PCBP3: variants seen among roughly 807,000 people sequenced by gnomAD.
PCBP3 encodes the protein poly(rC) binding protein 3, also known as poly(rC)-binding protein 3.
In PCBP3, 25 loss-of-function variants were observed where a neutral mutation model predicts 52.7. That is an observed-to-expected ratio of 0.47 (90% CI 0.35 to 0.66). The LOEUF (loss-of-function observed/expected upper bound fraction) is 0.66. PCBP3 is among the 30% of genes least tolerant of loss of function. The pLI, the probability that PCBP3 is intolerant of heterozygous loss-of-function variation, is 0.01. For missense variants in PCBP3, 391 were observed against 490.3 expected (o/e 0.80, Z 1.91); for synonymous variants, 162 against 183.0 (o/e 0.89, Z 0.93).
At chr21:45,740,001 A>G (rs1440261665) in intron 3 of PCBP3, among the ~76,000 whole-genome samples, 1 of 152,218 alleles carries the variant, frequency 6.6e-6, no homozygotes, top group African/African-American at 2.4e-5. Flanking sequence ...TAGTCCCAGC[A>G]GCACCCCCTT....
At chr21:45,681,379 C>T (rs2081837873) in intron 2 of PCBP3, among the ~76,000 whole-genome samples, 1 of 152,184 alleles carries the variant, frequency 6.6e-6, no homozygotes, top group African/African-American at 2.4e-5. Context: ...AATACTGGAG[C>T]AGTTTTCCAT....
At chr21:45,923,078 C>T (rs114895946) in intron 13 of PCBP3, among the ~76,000 whole-genome samples, 9 of 152,376 alleles carry the variant, frequency 5.9e-5, no homozygotes, top group East Asian at 5.8e-4. Flanking sequence ...GTCGGTGCCA[C>T]GCATTTCCCC....
At chr21:45,892,483 G>A (rs546124627) in intron 5 of PCBP3, among the ~76,000 whole-genome samples, 12 of 141,852 alleles carry the variant, frequency 8.5e-5, no homozygotes, top group Admixed American at 4.8e-4. Flanking sequence ...GGGGGGGGGC[G>A]GTCCCGTCTC....
At chr21:45,654,074 T>TGGC (rs2079858669) in intron 1 of PCBP3, among the ~76,000 whole-genome samples, 1 of 152,146 alleles carries the variant, frequency 6.6e-6, no homozygotes, top group African/African-American at 2.4e-5. Context: ...TATATTCTTT[T>TGGC]TAAATTCAGT....
chr21:45,931,059 C>A (rs2076116970), intron 15 of PCBP3, among the ~76,000 whole-genome samples: 1 of 152,192 alleles, frequency 6.6e-6, no homozygotes, highest in Non-Finnish European at 1.5e-5. Context: ...GCACCCCGGC[C>A]ATGGGAGGCG....
intron 4 of PCBP3, among the ~76,000 whole-genome samples, chr21:45,767,045 C>G (rs1053978842): frequency 6.6e-6 from 1 of 152,114 alleles, no homozygotes; most frequent in African/African-American, 2.4e-5. Flanking sequence ...TCCCCTCCCC[C>G]CTTTTAATTG....
intron 13 of PCBP3, among the ~76,000 whole-genome samples, chr21:45,921,167 G>GGTATTTAGTAGAAATTTTTAAAGCATCA (rs2074378862): frequency 6.8e-6 from 1 of 146,194 alleles, no homozygotes; most frequent in Non-Finnish European, 1.5e-5. Context: ...ATCTGAGCTT[G>GGTATTTAGTAGAAATTTTTAAAGCATCA]GTATTTAGTA....
chr21:45,914,281 G>A, intron 12 of PCBP3: 1 of 578,494 alleles, frequency 1.7e-6, no homozygotes, highest in African/African-American at 1.9e-5. Context: ...ATCTGGCTCT[G>A]CCTAAATCCA....
At chr21:45,835,240 G>A (rs926492073) in intron 4 of PCBP3, among the ~76,000 whole-genome samples, 9 of 152,112 alleles carry the variant, frequency 5.9e-5, no homozygotes, top group African/African-American at 1.9e-4. Flanking sequence ...TCCCAGGAGT[G>A]TGGGTGGGGC....
At position 45,853,519 on chromosome 21, in the gene PCBP3, G is replaced by C. The variant is rs1026786689; in HGVS notation, c.10+3424G>C. 1.4e-4 allele frequency among the ~76,000 whole-genome samples: 22 copies of C among 152,236 alleles called. No individual in the cohort carries two copies. The highest frequency in any genetic ancestry group is 2.5e-4 in the Non-Finnish European group (17 of 68,044). ...CCGAGCAAGCAGCTCACGGGCCCCA[G>C]CGACAGAATTTTCTGGGGTTTCAAT... On this transcript the variant is annotated intron_variant, in intron 5 of 17. Transcript: ENST00000681687. This position sits in a 1 kb window ranked among gnomAD's most constrained non-coding sequence, Gnocchi z 4.6.
At chr21:45,921,518 T>A (rs1280473180) in intron 13 of PCBP3, among the ~76,000 whole-genome samples, 1 of 152,234 alleles carries the variant, frequency 6.6e-6, no homozygotes, top group Non-Finnish European at 1.5e-5. Context: ...TCATCTGGGC[T>A]GGGCATGGTG....
chr21:45,693,301 A>C (rs1156597857), intron 2 of PCBP3, among the ~76,000 whole-genome samples: 1 of 152,170 alleles, frequency 6.6e-6, no homozygotes, highest in Non-Finnish European at 1.5e-5. Flanking sequence ...GAATCTCAAA[A>C]TTATTATGTT....
At chr21:45,738,040 G>A (rs58704780) in intron 3 of PCBP3, among the ~76,000 whole-genome samples, 3,299 of 152,184 alleles carry the variant, frequency 0.022, 62 homozygotes, top group African/African-American at 0.052. Flanking sequence ...TGTGTGGTCC[G>A]TGCAGACCTC....
Position 45,786,406 on chromosome 21 carries a change from T to C in PCBP3, c.-126+30954T>C, listed in dbSNP as rs183807082. On this transcript the variant is annotated intron_variant, in intron 4 of 17. Transcript: ENST00000681687. The stretch of plus-strand genomic sequence containing the variant: ...CCTGGGTTCAAGCGATTCTCCTCCC[T>C]CAGCCTCCCGAGTAGCTGGGATTAT... Among the ~76,000 whole-genome samples, 55 of 152,176 alleles carry C rather than the reference T, an allele frequency of 3.6e-4. 1 individual carries two copies. In the East Asian group the frequency reaches 0.011, roughly 29 times the overall value.
intron 1 of PCBP3, among the ~76,000 whole-genome samples, chr21:45,667,853 A>C (rs908248172): frequency 6.6e-6 from 1 of 151,922 alleles, no homozygotes; most frequent in African/African-American, 2.4e-5. Context: ...TTGTTATAGT[A>C]GTTTCTGTTC....
At chr21:45,667,367 T>A (rs1402975831) in intron 1 of PCBP3, among the ~76,000 whole-genome samples, 2 of 152,010 alleles carry the variant, frequency 1.3e-5, no homozygotes, top group African/African-American at 4.8e-5. Context: ...ATTTTTTTTT[T>A]AACTTCTTTA....
At chr21:45,645,787 C>T (rs995953880) in intron 1 of PCBP3, among the ~76,000 whole-genome samples, 2 of 152,126 alleles carry the variant, frequency 1.3e-5, no homozygotes, top group African/African-American at 4.8e-5. Flanking sequence ...TTACAAAAGT[C>T]TCATGGCTTT....
intron 6 of PCBP3, among the ~76,000 whole-genome samples, chr21:45,897,293 C>T (rs1454926351): frequency 6.6e-6 from 1 of 152,204 alleles, no homozygotes; most frequent in Non-Finnish European, 1.5e-5. Context: ...GGCCGCAAAG[C>T]ATCCCCTGGT....
chr21:45,675,395 C>T (rs571048405), intron 2 of PCBP3, among the ~76,000 whole-genome samples: 2 of 152,264 alleles, frequency 1.3e-5, no homozygotes, highest in South Asian at 2.1e-4. Context: ...ACAGGCAAGG[C>T]CCAAATGCTC....
Sources: gnomAD v4.1 joint callset for allele counts (sites outside exome capture counted in the v4.1 genomes callset) on GRCh38, gnomAD v4.1.1 for gene constraint, Gnocchi (gnomAD v3.1) non-coding constraint, MANE v1.5 for transcripts, NCBI Gene and HGNC (gene_info 2026-07-23, HGNC 2026-07-21) for gene names.